C8orf34: variants seen among roughly 807,000 people sequenced by gnomAD.
C8orf34 encodes chromosome 8 open reading frame 34, also known as uncharacterized protein C8orf34.
A neutral mutation model predicts 68.3 loss-of-function variants in C8orf34; 65 were observed. That is an observed-to-expected ratio of 0.95 (90% confidence interval 0.78 to 1.17). The LOEUF is 1.17. Among genes scored for constraint, C8orf34 ranks in the 50% most tolerant of loss-of-function variants. C8orf34 has a pLI of 0.00. For synonymous variants in C8orf34, 244 were observed against 241.2 expected, an observed-to-expected ratio of 1.01 and a Z score of -0.11; for missense variants, 664 against 655.4, an observed-to-expected ratio of 1.01 and a Z score of -0.14.
At chr8:68,469,527 A>T (rs1812290152) in intron 4 of C8orf34, among the ~76,000 whole-genome samples, 1 of 152,030 alleles carries the variant, frequency 6.6e-6, no homozygotes, top group East Asian at 1.9e-4. Flanking sequence ...CAATAAAATG[A>T]TTATTTTGGT....
chr8:68,416,026 G>A (rs1809650651), intron 1 of C8orf34, among the ~76,000 whole-genome samples: 1 of 152,136 alleles, frequency 6.6e-6, no homozygotes, highest in South Asian at 2.1e-4. Context: ...GTTGTTGTGA[G>A]CATGAAAAAA....
intron 7 of C8orf34, among the ~76,000 whole-genome samples, chr8:68,636,867 A>C (rs1818861911): frequency 6.6e-6 from 1 of 152,202 alleles, no homozygotes; most frequent in African/African-American, 2.4e-5. Flanking sequence ...TGTGATAAAA[A>C]CAAAAACAAT....
chr8:68,574,553 ACTT>A (rs895732982), intron 7 of C8orf34, among the ~76,000 whole-genome samples: 2 of 152,098 alleles, frequency 1.3e-5, no homozygotes, highest in Admixed American at 6.6e-5. Flanking sequence ...AATAGACAAT[ACTT>A]CTTATAGATT....
intron 7 of C8orf34, among the ~76,000 whole-genome samples, chr8:68,606,054 C>T (rs1408468431): frequency 1.3e-5 from 2 of 152,204 alleles, no homozygotes; most frequent in Non-Finnish European, 1.5e-5. Flanking sequence ...CTATGAAAAA[C>T]GTGAAATTCC....
At chr8:68,541,014 C>T (rs1005004924) in intron 7 of C8orf34, among the ~76,000 whole-genome samples, 4 of 152,008 alleles carry the variant, frequency 2.6e-5, no homozygotes, top group South Asian at 2.1e-4. Flanking sequence ...GCTTCGCCAC[C>T]GACCCTAATT....
At chr8:68,744,605 G>GA (rs1194309832) in intron 10 of C8orf34, among the ~76,000 whole-genome samples, 1 of 152,070 alleles carries the variant, frequency 6.6e-6, no homozygotes, top group East Asian at 1.9e-4. Flanking sequence ...CTCAGGAGCC[G>GA]ATGCGATCAA....
At chr8:68,787,752 A>G (rs1036162091) in intron 12 of C8orf34, 7 of 319,242 alleles carry the variant, frequency 2.2e-5, no homozygotes, top group Non-Finnish European at 4.0e-5. Context: ...CTAACTTTCT[A>G]GAAAAAAAAA....
At chr8:68,601,714 C>A (rs1004887394) in intron 7 of C8orf34, among the ~76,000 whole-genome samples, 1 of 150,004 alleles carries the variant, frequency 6.7e-6, no homozygotes, top group African/African-American at 2.4e-5. Flanking sequence ...CAATATCCAT[C>A]CAATTCATCT....
intron 7 of C8orf34, among the ~76,000 whole-genome samples, chr8:68,605,665 G>GA (rs1817833202): frequency 6.6e-6 from 1 of 152,086 alleles, no homozygotes; most frequent in African/African-American, 2.4e-5. Flanking sequence ...CATGACACTA[G>GA]AAAAGGCAAA....
Position 68,793,559 on chromosome 8 carries a change from C to G in C8orf34, c.1549+6023C>G, listed in dbSNP as rs1455669998. Among the ~76,000 whole-genome samples, 3 of 151,682 alleles carry G rather than the reference C, an allele frequency of 2.0e-5. No homozygotes were observed. In the East Asian group the frequency reaches 5.8e-4, roughly 30 times the overall value. ...GGCCATTATCCTCAGCAAACCAACG[C>G]AAAGACAGAAAACCAAACACCAAGT... is the stretch of plus-strand genomic sequence containing the variant. On this transcript the variant is annotated intron_variant, in intron 12 of 13. Transcript: ENST00000518698.
chr8:68,413,351 A>G (rs76386793), intron 1 of C8orf34, among the ~76,000 whole-genome samples: 136 of 152,332 alleles, frequency 8.9e-4, no homozygotes, highest in African/African-American at 3.0e-3. Flanking sequence ...GTATCTTTCT[A>G]TTTTGTTCAC....
At position 68,761,824 on chromosome 8, in the gene C8orf34, C is replaced by G. The variant is rs138198383; in HGVS notation, c.1405-14575C>G. On this transcript the variant is annotated intron_variant, in intron 10 of 13. Coordinates refer to ENST00000518698, the MANE Select transcript of C8orf34 (RefSeq NM_052958.4). ...AAGTTGTAGTCAGCTAAAATTCTCCCCTGCCTCCTTTTTTCTTTAACACTA... is the reference window on the plus strand; with the variant it reads ...AAGTTGTAGTCAGCTAAAATTCTCCGCTGCCTCCTTTTTTCTTTAACACTA... Among the ~76,000 whole-genome samples the G allele has an allele frequency of 3.1e-3, 473 of 152,242 alleles. 2 individuals carry two copies. Among genetic ancestry groups the G allele is most frequent in the Non-Finnish European group, 5.8e-3 (394 of 68,028 alleles).
chr8:68,713,722 G>C (rs1243047355), intron 9 of C8orf34, among the ~76,000 whole-genome samples: 1 of 152,064 alleles, frequency 6.6e-6, no homozygotes, highest in African/African-American at 2.4e-5. Flanking sequence ...AATTCTATCA[G>C]ACAATTCAAA....
At chr8:68,814,023 T>TA (rs1375308371) in intron 12 of C8orf34, among the ~76,000 whole-genome samples, 2 of 152,174 alleles carry the variant, frequency 1.3e-5, no homozygotes, top group African/African-American at 4.8e-5. Flanking sequence ...TCCCTTACAA[T>TA]TCCTCATTTT....
At chr8:68,334,982 T>G (rs542623243) in intron 1 of C8orf34, among the ~76,000 whole-genome samples, 1 of 152,268 alleles carries the variant, frequency 6.6e-6, no homozygotes, top group African/African-American at 2.4e-5. Flanking sequence ...GCAAGCCCAT[T>G]ATTTCACTTT....
At chr8:68,638,188 G>T (rs1465529380) in intron 7 of C8orf34, among the ~76,000 whole-genome samples, 1 of 152,132 alleles carries the variant, frequency 6.6e-6, no homozygotes, top group African/African-American at 2.4e-5. Flanking sequence ...GAAGATTTAA[G>T]ATTGTAACCA....
At chr8:68,516,964 G>T (rs969749651) in intron 5 of C8orf34, among the ~76,000 whole-genome samples, 4 of 152,010 alleles carry the variant, frequency 2.6e-5, no homozygotes, top group Admixed American at 6.6e-5. Context: ...AAGTTACGCT[G>T]ACTTGCTTAA....
chr8:68,542,648 T>C (rs760015657), intron 7 of C8orf34, among the ~76,000 whole-genome samples: 2 of 152,096 alleles, frequency 1.3e-5, no homozygotes, highest in Non-Finnish European at 2.9e-5. Context: ...ATAAGGAAAA[T>C]TGAGAATGTG....
chr8:68,778,269 T>A (rs1233060179), intron 11 of C8orf34, among the ~76,000 whole-genome samples: 1 of 152,296 alleles, frequency 6.6e-6, no homozygotes, highest in Non-Finnish European at 1.5e-5. Context: ...CAATAAAAAA[T>A]AGTATTTATA....
Sources: allele counts gnomAD v4.1 joint callset (sites outside exome capture counted in the v4.1 genomes callset), GRCh38; gene constraint gnomAD v4.1.1; transcripts MANE v1.5; gene names NCBI Gene and HGNC (gene_info 2026-07-23, HGNC 2026-07-21).